The following NPHP1 variants were observed in gnomAD, a reference collection of about 807,000 sequenced individuals.
NPHP1 encodes nephrocystin 1.
A neutral mutation model predicts 90.4 loss-of-function variants in NPHP1; 70 were observed. The ratio of observed to expected loss-of-function variants is 0.77; its 90% CI spans 0.64 to 0.95. NPHP1 has a LOEUF of 0.95. Among genes scored for constraint, NPHP1 ranks in the 40% least tolerant of loss-of-function variants. NPHP1 has a pLI of 0.00. For missense variants in NPHP1, 764 were observed against 795.9 expected (o/e 0.96, Z 0.48); for synonymous variants, 256 against 271.7 (o/e 0.94, Z 0.57).
Position 110,204,941 on chromosome 2 carries a change from G to A in NPHP1, c.28C>T (p.Leu10Phe), listed in dbSNP as rs1422250227. 4 of 1,613,942 alleles carry A rather than the reference G, an allele frequency of 2.5e-6. No individual in the cohort carries two copies. Among genetic ancestry groups the A allele is most frequent in the African/African-American group, 1.3e-5 (1 of 74,942 alleles). Residue 10 changes from leucine to phenylalanine, a missense_variant, in exon 1 of 20, where the codon CTC (leucine) becomes TTC (phenylalanine). Coordinates refer to ENST00000445609, the MANE Select transcript of NPHP1 (RefSeq NM_001128178.3). ...TGATTGCGGCGCCGCAGGGCCTGGAGAGGATCTCGCTGTCGTCTCGCCAGC... is the reference window on the plus strand; with the variant it reads ...TGATTGCGGCGCCGCAGGGCCTGGAAAGGATCTCGCTGTCGTCTCGCCAGC... MLARRQRDP[L>F]QALRRRNQEL...
chr2:110,173,305 T>A (rs1028871224), intron 4 of NPHP1, among the ~76,000 whole-genome samples: 10 of 152,066 alleles, frequency 6.6e-5, no homozygotes, highest in South Asian at 4.2e-4. Flanking sequence ...TCAAAGAAAA[T>A]ATATATATAT....
At chr2:110,196,638 A>G (rs1685186745) in intron 2 of NPHP1, among the ~76,000 whole-genome samples, 2 of 152,124 alleles carry the variant, frequency 1.3e-5, no homozygotes, top group African/African-American at 4.8e-5. Flanking sequence ...ATTTGACCCA[A>G]CTGTCCCATT....
chr2:110,126,201 A>G (rs1679353831), intron 18 of NPHP1: 1 of 166,452 alleles, frequency 6.0e-6, no homozygotes. Context: ...GAGTTCAATT[A>G]GTCCCACAGA....
At chr2:110,133,709 T>G (rs976426268) in intron 16 of NPHP1, among the ~76,000 whole-genome samples, 2 of 151,860 alleles carry the variant, frequency 1.3e-5, no homozygotes, top group African/African-American at 4.8e-5. Context: ...GAAATGAAAC[T>G]AGAAATCAAA....
At position 110,163,040 on chromosome 2, in the gene NPHP1, C is replaced by T. The variant is rs765856771; in HGVS notation, c.859+8G>A. On this transcript the variant is annotated splice_region_variant and intron_variant, in intron 9 of 19. Transcript: ENST00000445609. Reference sequence around the variant, plus strand: ...GAAAGAGTGCAGTGGCTGATAGGCACGCATTACCTTCCTCCAGAAGCTGTG... The same window carrying T: ...GAAAGAGTGCAGTGGCTGATAGGCATGCATTACCTTCCTCCAGAAGCTGTG... 11 of 1,602,912 alleles carry T rather than the reference C, an allele frequency of 6.9e-6. No homozygotes were observed. The highest frequency in any genetic ancestry group is 6.7e-5 in the East Asian group (3 of 44,840).
intron 2 of NPHP1, among the ~76,000 whole-genome samples, chr2:110,181,955 T>C (rs888529150): frequency 2.6e-5 from 4 of 152,088 alleles, no homozygotes; most frequent in South Asian, 2.1e-4. Flanking sequence ...ACTGACCTGA[T>C]AGAGGTGAAA....
intron 2 of NPHP1, chr2:110,183,997 G>A (rs986739589): frequency 2.5e-5 from 9 of 365,638 alleles, no homozygotes; most frequent in Non-Finnish European, 4.9e-5. Context: ...AGAAATTCAT[G>A]AATGGCACTA....
intron 1 of NPHP1, among the ~76,000 whole-genome samples, chr2:110,203,022 A>G (rs907513733): frequency 2.6e-5 from 4 of 152,192 alleles, no homozygotes; most frequent in African/African-American, 9.6e-5. Flanking sequence ...GAATCAACAT[A>G]GATGCCCACC....
At chr2:110,198,787 C>G (rs1286396647) in intron 2 of NPHP1, among the ~76,000 whole-genome samples, 1 of 136,788 alleles carries the variant, frequency 7.3e-6, no homozygotes, top group African/African-American at 2.6e-5. Context: ...ATGGTACTAG[C>G]AGGAAGGACC....
chr2:110,123,943 G>A lies in NPHP1; in HGVS notation c.1882C>T (p.Arg628Trp), dbSNP rs141686332. 40 of 1,613,990 alleles carry A rather than the reference G, an allele frequency of 2.5e-5. No homozygotes were observed. Among genetic ancestry groups the A allele is most frequent in the Non-Finnish European group, 3.1e-5 (37 of 1,179,996 alleles). ...AGGAAGTCAGTGATAACTTTCCACC[G>A]TGCAGTCTCAGTCTCTTCTTCTGCC... ...RWAEEETETA[R>W]WKVITDFLKQ... is the part of the protein sequence containing the mutation. Residue 628 changes from arginine (R) to tryptophan (W), a missense_variant, in exon 20 of 20, where the codon CGG (arginine) becomes TGG (tryptophan). Physicochemically the swap from Arg to Trp is moderately radical, Grantham distance 101. Transcript: ENST00000445609.
intron 2 of NPHP1, chr2:110,184,491 A>G: frequency 2.1e-6 from 2 of 948,580 alleles, no homozygotes; most frequent in Non-Finnish European, 3.3e-6. Context: ...AGCTGTGCTC[A>G]GCCTTTATGC....
chr2:110,140,458 TAAG>T (rs1273483281), intron 16 of NPHP1, among the ~76,000 whole-genome samples: 3 of 152,272 alleles, frequency 2.0e-5, no homozygotes, highest in East Asian at 3.9e-4. Context: ...ATTCACTGCT[TAAG>T]AAGAAGGGGC....
At chr2:110,184,537 G>C (rs1314967454) in intron 2 of NPHP1, 8 of 1,278,548 alleles carry the variant, frequency 6.3e-6, no homozygotes, top group Non-Finnish European at 6.7e-6. Context: ...CTGGATTCTG[G>C]GGATGGCATC....
intron 19 of NPHP1, 99 bp from the exon 20 acceptor site, chr2:110,124,162 G>A: frequency 7.2e-7 from 1 of 1,382,854 alleles, no homozygotes; most frequent in African/African-American, 1.4e-5. Context: ...TAGGATGGAG[G>A]GTGCCATTAG....
intron 2 of NPHP1, among the ~76,000 whole-genome samples, chr2:110,199,439 G>A (rs1457140533): frequency 1.3e-5 from 2 of 151,282 alleles, no homozygotes; most frequent in Non-Finnish European, 2.9e-5. Flanking sequence ...TATGACTGCT[G>A]AAATAAAACA....
At chr2:110,132,877 T>C (rs1357092931) in intron 16 of NPHP1, among the ~76,000 whole-genome samples, 1 of 152,060 alleles carries the variant, frequency 6.6e-6, no homozygotes, top group Non-Finnish European at 1.5e-5. Flanking sequence ...TGTAATACCA[T>C]GGTAACCACA....
rs1682483146 is a variant in NPHP1, at chr2:110,163,308, C to T, written c.772-173G>A. 9.7e-6 allele frequency: 6 copies of T among 617,674 alleles called. No individual in the cohort carries two copies. The East Asian group carries it at 1.7e-4, about 18-fold the overall frequency. The allele number at this position is 617,674 out of a possible 1,614,324, so 38.3% of individuals were successfully genotyped here. On this transcript the variant is annotated intron_variant, in intron 8 of 19. Coordinates refer to ENST00000445609, the MANE Select transcript of NPHP1 (RefSeq NM_001128178.3). Reference sequence around the variant, plus strand: ...TCCTGAGAGGATGCCATCACAGCACCCTGGCCTCTCCTAAGGACCTAAGCC... The same window carrying T: ...TCCTGAGAGGATGCCATCACAGCACTCTGGCCTCTCCTAAGGACCTAAGCC...
Position 110,183,809 on chromosome 2 carries a change from T to C in NPHP1, c.144-4125A>G, listed in dbSNP as rs1684083021. On this transcript the variant is annotated intron_variant, in intron 2 of 19. Coordinates refer to ENST00000445609, the MANE Select transcript of NPHP1 (RefSeq NM_001128178.3). ...TCAGCTCTGGATCAAGTGAACCTAA[T>C]AGATATCTACAGAACTCTCCACCCA... 2.0e-5 allele frequency among the ~76,000 whole-genome samples: 3 copies of C among 152,102 alleles called. No homozygotes were observed. In the South Asian group the frequency reaches 6.2e-4, roughly 32 times the overall value.
At chr2:110,180,974 T>G (rs1683863334) in intron 2 of NPHP1, among the ~76,000 whole-genome samples, 1 of 152,124 alleles carries the variant, frequency 6.6e-6, no homozygotes, top group African/African-American at 2.4e-5. Flanking sequence ...AGGGGGGATA[T>G]CCATCTGTAT....
Sources: allele counts gnomAD v4.1 joint callset (sites outside exome capture counted in the v4.1 genomes callset), GRCh38; gene constraint gnomAD v4.1.1; transcripts MANE v1.5; gene names NCBI Gene and HGNC (gene_info 2026-07-23, HGNC 2026-07-21).